Variants in SAMD4A observed in about 807,000 individuals in gnomAD.
SAMD4A encodes protein Smaug homolog 1.
SAMD4A carries 33 observed loss-of-function variants against 81.3 expected under a neutral mutation model. The ratio of observed to expected loss-of-function variants is 0.41; its 90% CI spans 0.31 to 0.54. The LOEUF is 0.54. SAMD4A is among the 20% of genes least tolerant of loss of function. The pLI is 0.37. For missense variants in SAMD4A, 854 were observed against 951.1 expected (o/e 0.90, Z 1.34); for synonymous variants, 389 against 382.1 (o/e 1.02, Z -0.21).
intron 7 of SAMD4A, among the ~76,000 whole-genome samples, chr14:54,763,178 C>G (rs2038449246): frequency 6.7e-6 from 1 of 150,278 alleles, no homozygotes; most frequent in Admixed American, 6.6e-5. Context: ...TATACACACG[C>G]AGGCCTTATT....
chr14:54,778,307 C>T (rs1167387077), intron 11 of SAMD4A, among the ~76,000 whole-genome samples: 1 of 152,322 alleles, frequency 6.6e-6, no homozygotes, highest in African/African-American at 2.4e-5. Context: ...CGGAGCGCTT[C>T]GGGTTTGTTG....
intron 3 of SAMD4A, among the ~76,000 whole-genome samples, chr14:54,705,458 C>T (rs563600933): frequency 1.3e-5 from 2 of 152,264 alleles, no homozygotes; most frequent in Non-Finnish European, 2.9e-5. Flanking sequence ...AAACAATCTG[C>T]GTAAGACAAT....
At chr14:54,684,463 C>T (rs2036202890) in intron 2 of SAMD4A, among the ~76,000 whole-genome samples, 1 of 152,246 alleles carries the variant, frequency 6.6e-6, no homozygotes, top group Admixed American at 6.5e-5. Context: ...CCCAACAGGC[C>T]TGGCTTAGGC....
chr14:54,734,340 A>ACAG (rs1230528745), intron 3 of SAMD4A, among the ~76,000 whole-genome samples: 9 of 152,230 alleles, frequency 5.9e-5, no homozygotes, highest in Non-Finnish European at 1.5e-5. Flanking sequence ...CTTGGTTGCC[A>ACAG]CAGCACGTTG....
rs149094946 is a variant in SAMD4A, at chr14:54,785,799, G to A, written c.2128+1179G>A. Among the ~76,000 whole-genome samples, 358 of 152,302 alleles carry A rather than the reference G, an allele frequency of 2.4e-3. 3 individuals are homozygous for A. The highest frequency in any genetic ancestry group is 7.6e-3 in the African/African-American group (316 of 41,564). The stretch of plus-strand genomic sequence containing the variant: ...CTGCATGGAGCAGAGTGGTGGGCCC[G>A]GGACCACACCCACCTGACCTTAGCA... On this transcript the variant is annotated intron_variant, in intron 12 of 12. Coordinates refer to ENST00000554335, the MANE Select transcript of SAMD4A (RefSeq NM_015589.6).
In SAMD4A at chr14:54,775,018, G is replaced by T. The variant is rs552050726; in HGVS notation, c.1800G>T (p.Gln600His). 1.2e-6 allele frequency: 2 copies of T among 1,614,232 alleles called. No individual in the cohort carries two copies. The highest frequency in any genetic ancestry group is 2.2e-5 in the South Asian group (2 of 91,086). Residue 600 changes from glutamine to histidine, a missense_variant, in exon 10 of 13, where the codon CAG becomes CAT. Around this residue, in one of 3 missense-constraint regions of SAMD4A, gnomAD observed 428 missense variants for 471.2 expected, o/e 0.91. Transcript: ENST00000554335. ...GMGRRNPRQY[Q>H]IPSRNVPSAR... Reference sequence around the variant, plus strand: ...GCAGACGGAACCCGCGCCAGTACCAGATCCCCTCTCGGAACGTCCCTTCCG... The same window carrying T: ...GCAGACGGAACCCGCGCCAGTACCATATCCCCTCTCGGAACGTCCCTTCCG...
upstream of SAMD4A, among the ~76,000 whole-genome samples, chr14:54,566,757 A>G (rs2032949479): frequency 6.6e-6 from 1 of 151,756 alleles, no homozygotes; most frequent in Admixed American, 6.6e-5. Context: ...ACGCGCGCAC[A>G]CACACACGCA....
intron 7 of SAMD4A, among the ~76,000 whole-genome samples, chr14:54,761,981 G>A (rs991456039): frequency 3.1e-4 from 47 of 152,210 alleles, no homozygotes; most frequent in African/African-American, 1.1e-3. Context: ...TTGTAGCACA[G>A]TGCTTACAGT....
At chr14:54,572,655 T>G (rs1449529672) in intron 2 of SAMD4A, among the ~76,000 whole-genome samples, 1 of 152,174 alleles carries the variant, frequency 6.6e-6, no homozygotes, top group East Asian at 1.9e-4. Flanking sequence ...TGTAGAAGAT[T>G]TTTAGAGTAC....
intron 4 of SAMD4A, among the ~76,000 whole-genome samples, chr14:54,744,837 C>T (rs1401056971): frequency 6.6e-6 from 1 of 152,180 alleles, no homozygotes; most frequent in Non-Finnish European, 1.5e-5. Flanking sequence ...GACTTTTCTT[C>T]CAAGACCTTG....
chr14:54,760,244 C>A lies in SAMD4A; in HGVS notation c.1260C>A (p.Ser420=), dbSNP rs765544860. The A allele has an allele frequency of 1.2e-5, 19 of 1,613,298 alleles. No individual in the cohort carries two copies. The highest frequency in any genetic ancestry group is 1.6e-5 in the Non-Finnish European group (19 of 1,179,916). Reference sequence around the variant, plus strand: ...TGACTCCGATCAAGGCCTACAGCTCCCCGAGCACCACCCCCGAGGCTCGCC... The same window carrying A: ...TGACTCCGATCAAGGCCTACAGCTCACCGAGCACCACCCCCGAGGCTCGCC... ...MILTPIKAYS[S]PSTTPEARRR... Residue 420 remains serine, a synonymous_variant, in exon 7 of 13, where the codon TCC becomes TCA. Coordinates refer to ENST00000554335, the MANE Select transcript of SAMD4A (RefSeq NM_015589.6).
At chr14:54,613,301 G>T (rs950326456) in intron 2 of SAMD4A, among the ~76,000 whole-genome samples, 3 of 152,160 alleles carry the variant, frequency 2.0e-5, no homozygotes, top group Non-Finnish European at 4.4e-5. Flanking sequence ...TTGGTGCAGG[G>T]GCCGGGTGGA....
intron 2 of SAMD4A, among the ~76,000 whole-genome samples, chr14:54,669,810 G>C: frequency 6.6e-6 from 1 of 152,288 alleles, no homozygotes; most frequent in Non-Finnish European, 1.5e-5. Context: ...GAAAGATGAC[G>C]TTGCCAGCAT....
At chr14:54,746,077 C>T (rs2140958891) in intron 4 of SAMD4A, among the ~76,000 whole-genome samples, 1 of 152,330 alleles carries the variant, frequency 6.6e-6, no homozygotes. Context: ...GAATTCCTGA[C>T]TTTGGGGGAA....
chr14:54,757,797 G>C (rs2038286091), intron 6 of SAMD4A, among the ~76,000 whole-genome samples: 1 of 152,212 alleles, frequency 6.6e-6, no homozygotes, highest in African/African-American at 2.4e-5. Context: ...CCACAACCCA[G>C]GGGCTGGTTG....
intron 2 of SAMD4A, among the ~76,000 whole-genome samples, chr14:54,583,843 A>G (rs2033543040): frequency 6.6e-6 from 1 of 152,218 alleles, no homozygotes; most frequent in Non-Finnish European, 1.5e-5. Context: ...CTGTTCAGGC[A>G]AATAGTATTT....
At chr14:54,604,607 A>T (rs930908822) in intron 2 of SAMD4A, among the ~76,000 whole-genome samples, 3 of 152,224 alleles carry the variant, frequency 2.0e-5, no homozygotes, top group African/African-American at 7.2e-5. Context: ...AATCTTTTGT[A>T]GTTCTGAAAA....
intron 11 of SAMD4A, chr14:54,784,148 C>T: frequency 1.8e-6 from 1 of 568,408 alleles, no homozygotes; most frequent in East Asian, 3.0e-5. Flanking sequence ...TAGGAGGGGG[C>T]CTGGGGCAGA....
chr14:54,650,849 G>A (rs2035388735), intron 2 of SAMD4A, among the ~76,000 whole-genome samples: 1 of 152,136 alleles, frequency 6.6e-6, no homozygotes, highest in Non-Finnish European at 1.5e-5. Context: ...TGCTTGCACT[G>A]AGCATTCTTT....
Sources: gnomAD v4.1 joint callset for allele counts (sites outside exome capture counted in the v4.1 genomes callset) on GRCh38, gnomAD v4.1.1 for gene constraint, gnomAD v4.1.1 regional missense constraint, MANE v1.5 for transcripts, NCBI Gene and HGNC (gene_info 2026-07-23, HGNC 2026-07-21) for gene names.